SEZ6L: variants seen among roughly 807,000 people sequenced by gnomAD.
The protein encoded by SEZ6L is seizure related 6 homolog like.
In SEZ6L, 37 loss-of-function variants were observed where a neutral mutation model predicts 106.2. The ratio of observed to expected loss-of-function variants is 0.35; its 90% CI spans 0.27 to 0.46. The LOEUF (loss-of-function observed/expected upper bound fraction) is 0.46. Ranked by LOEUF, SEZ6L falls within the 20% of genes least tolerant of loss-of-function variation. The pLI is 1.00. For synonymous variants in SEZ6L, 541 were observed against 570.4 expected, an observed-to-expected ratio of 0.95 and a Z score of 0.73; for missense variants, 1,172 against 1,332.8, an observed-to-expected ratio of 0.88 and a Z score of 1.88.
chr22:26,248,005 C>G (rs1275115421), intron 1 of SEZ6L, among the ~76,000 whole-genome samples: 1 of 152,174 alleles, frequency 6.6e-6, no homozygotes, highest in Non-Finnish European at 1.5e-5. Flanking sequence ...TCACCTGACT[C>G]TAACTGAGAG....
Position 26,373,498 on chromosome 22 carries a change from G to GAAAA in SEZ6L, c.2827+24_2827+27dup. ...TGCTTTAGAAGGTGAGTTCCAGAAC[G>GAAAA]AAAAAAAAAAAAGTTCAATAAATCA... On this transcript the variant is annotated intron_variant, in intron 14 of 16. Transcript: ENST00000248933. The GAAAA allele has an allele frequency of 5.2e-6, 7 of 1,351,788 alleles. No individual in the cohort carries two copies. Among genetic ancestry groups the GAAAA allele is most frequent in the Non-Finnish European group, 5.0e-6 (5 of 998,928 alleles). 83.7% of individuals were successfully genotyped at this position (1,351,788 alleles called of 1,614,324 possible).
intron 4 of SEZ6L, 97 bp from the exon 5 acceptor site, chr22:26,298,887 T>A (rs1237270443): frequency 5.7e-6 from 7 of 1,224,388 alleles, no homozygotes; most frequent in Non-Finnish European, 6.6e-6. Context: ...GGGCCTCATC[T>A]TCTCTCCCCA....
chr22:26,363,510 T>C (rs1300243468), intron 12 of SEZ6L, among the ~76,000 whole-genome samples: 1 of 152,184 alleles, frequency 6.6e-6, no homozygotes, highest in Non-Finnish European at 1.5e-5. Context: ...GTTTAAAGCC[T>C]GGGAAAGAAG....
chr22:26,189,864 G>A (rs535639920), intron 1 of SEZ6L, among the ~76,000 whole-genome samples: 11 of 152,204 alleles, frequency 7.2e-5, no homozygotes, highest in South Asian at 2.1e-4. Context: ...TTGGGAGGCC[G>A]AGGCGGGCGG....
At chr22:26,219,124 T>A (rs2078382603) in intron 1 of SEZ6L, among the ~76,000 whole-genome samples, 1 of 152,200 alleles carries the variant, frequency 6.6e-6, no homozygotes, top group Non-Finnish European at 1.5e-5. Flanking sequence ...ATCACTTCTT[T>A]AAGCCTGAGC....
In SEZ6L at chr22:26,370,985, C is replaced by G. The variant is rs149042500; in HGVS notation, c.2795-2466C>G. ...CACCATTGCACTCCAGCCTGGGAAA[C>G]AGAGCAAGACCCTGTATCACAAAAA... is the stretch of plus-strand genomic sequence containing the variant. On this transcript the variant is annotated intron_variant, in intron 13 of 16. Coordinates refer to ENST00000248933, the MANE Select transcript of SEZ6L (RefSeq NM_021115.5). Among the ~76,000 whole-genome samples the G allele has an allele frequency of 1.7e-3, 195 of 117,634 alleles. 1 individual carries two copies. The highest frequency in any genetic ancestry group is 6.4e-3 in the African/African-American group (187 of 29,322). 77.2% of individuals were successfully genotyped at this position (117,634 alleles called of 152,430 possible).
At chr22:26,204,651 T>C (rs2145685884) in intron 1 of SEZ6L, among the ~76,000 whole-genome samples, 1 of 152,352 alleles carries the variant, frequency 6.6e-6, no homozygotes, top group South Asian at 2.1e-4. Flanking sequence ...TCTGGAAGTT[T>C]GGTAAGGCTT....
chr22:26,365,288 C>T, intron 12 of SEZ6L, 84 bp from the exon 13 acceptor site: 1 of 1,249,566 alleles, frequency 8.0e-7, no homozygotes, highest in Non-Finnish European at 1.1e-6. Flanking sequence ...AGAGGCTGAC[C>T]AAAGCTAGAT....
At chr22:26,372,930 T>C (rs1395378531) in intron 13 of SEZ6L, among the ~76,000 whole-genome samples, 2 of 152,188 alleles carry the variant, frequency 1.3e-5, no homozygotes, top group African/African-American at 4.8e-5. Flanking sequence ...GCCTCGCAAT[T>C]CATTCGTGCT....
chr22:26,241,611 C>T (rs1232919520), intron 1 of SEZ6L, among the ~76,000 whole-genome samples: 1 of 152,176 alleles, frequency 6.6e-6, no homozygotes, highest in Non-Finnish European at 1.5e-5. Flanking sequence ...GACACAGAGG[C>T]AATCCTGCTT....
intron 1 of SEZ6L, among the ~76,000 whole-genome samples, chr22:26,243,279 C>A (rs2079200616): frequency 6.6e-6 from 1 of 152,152 alleles, no homozygotes; most frequent in South Asian, 2.1e-4. Context: ...ACAAGGATAT[C>A]AAGGATAAAC....
intron 15 of SEZ6L, among the ~76,000 whole-genome samples, chr22:26,375,930 G>A (rs1425114654): frequency 6.6e-6 from 1 of 152,214 alleles, no homozygotes; most frequent in Non-Finnish European, 1.5e-5. Context: ...GGAGGTTATG[G>A]TTTAGTGGGG....
In SEZ6L at chr22:26,262,167, A is replaced by G. The variant is rs187934910; in HGVS notation, c.95-30239A>G. 4.0e-5 allele frequency among the ~76,000 whole-genome samples: 6 copies of G among 149,832 alleles called. No individual in the cohort carries two copies. The East Asian group carries it at 7.8e-4, about 19-fold the overall frequency. The stretch of plus-strand genomic sequence containing the variant: ...GGGAATATATATATATATTTAATAT[A>G]TTGATATACAAACAAATATATATTT... On this transcript the variant is annotated intron_variant, in intron 1 of 16. Coordinates refer to ENST00000248933, the MANE Select transcript of SEZ6L (RefSeq NM_021115.5).
intron 9 of SEZ6L, among the ~76,000 whole-genome samples, chr22:26,317,570 A>G (rs914819161): frequency 6.6e-6 from 1 of 152,054 alleles, no homozygotes; most frequent in African/African-American, 2.4e-5. Flanking sequence ...TCTAGGCATC[A>G]AATATTCAAT....
At chr22:26,311,700 T>G in intron 7 of SEZ6L, 68 bp from the exon 8 acceptor site, 1 of 1,373,800 alleles carries the variant, frequency 7.3e-7, no homozygotes, top group African/African-American at 1.4e-5. Context: ...GGACCCATCT[T>G]CTGAAATATA....
intron 14 of SEZ6L, among the ~76,000 whole-genome samples, chr22:26,374,634 T>C (rs2084156332): frequency 1.3e-5 from 2 of 152,094 alleles, no homozygotes; most frequent in African/African-American, 4.8e-5. Flanking sequence ...TTATTCTGGG[T>C]ATTAGGATTG....
chr22:26,284,242 C>G (rs562763120), intron 1 of SEZ6L, among the ~76,000 whole-genome samples: 3 of 152,330 alleles, frequency 2.0e-5, no homozygotes, highest in African/African-American at 7.2e-5. Context: ...TCTCACACTC[C>G]TAGGTGCTAT....
intron 9 of SEZ6L, 85 bp from the exon 10 acceptor site, chr22:26,340,351 T>G: frequency 7.5e-7 from 1 of 1,329,990 alleles, no homozygotes; most frequent in Non-Finnish European, 1.0e-6. Flanking sequence ...TAACAAATTT[T>G]GTATTGCCTG....
intron 1 of SEZ6L, among the ~76,000 whole-genome samples, chr22:26,251,796 C>G (rs892536232): frequency 3.3e-5 from 5 of 152,184 alleles, no homozygotes; most frequent in African/African-American, 7.2e-5. Flanking sequence ...GGATGGACAT[C>G]TATATCCCAA....
Sources: allele counts gnomAD v4.1 joint callset (sites outside exome capture counted in the v4.1 genomes callset), GRCh38; gene constraint gnomAD v4.1.1; transcripts MANE v1.5; gene names NCBI Gene and HGNC (gene_info 2026-07-23, HGNC 2026-07-21).